The following MAP4K5 variants were observed in gnomAD, a reference collection of about 807,000 sequenced individuals.
MAP4K5 encodes MAPK/ERK kinase kinase kinase 5.
Under a neutral mutation model 135.6 loss-of-function variants are expected in MAP4K5, and 82 were observed. The observed-to-expected ratio is 0.60, with a 90% CI of 0.51 to 0.73. MAP4K5 has a LOEUF of 0.73. Ranked by LOEUF, MAP4K5 falls within the 30% of genes least tolerant of loss-of-function variation. MAP4K5 has a pLI of 0.00. For synonymous variants in MAP4K5, 347 were observed against 335.0 expected (o/e 1.04, Z -0.39); for missense variants, 907 against 1,010.9 (o/e 0.90, Z 1.39).
intron 2 of MAP4K5, among the ~76,000 whole-genome samples, chr14:50,516,110 A>C (rs2038028674): frequency 6.6e-6 from 1 of 152,248 alleles, no homozygotes; most frequent in South Asian, 2.1e-4. Flanking sequence ...GCTTAAACTT[A>C]TAAGCCAAAT....
At chr14:50,480,235 T>A (rs968647241) in intron 6 of MAP4K5, among the ~76,000 whole-genome samples, 3 of 152,040 alleles carry the variant, frequency 2.0e-5, no homozygotes, top group African/African-American at 7.2e-5. Flanking sequence ...CAGGCGGCAA[T>A]GTGAAATAAA....
chr14:50,429,411 C>T (rs553110891), intron 28 of MAP4K5, among the ~76,000 whole-genome samples, 151 bp from the exon 29 acceptor site: 2 of 152,094 alleles, frequency 1.3e-5, no homozygotes, highest in South Asian at 4.1e-4. Flanking sequence ...TCAAAAAATG[C>T]ATGTAAATCA....
intron 9 of MAP4K5, among the ~76,000 whole-genome samples, chr14:50,473,050 G>A (rs1200796632): frequency 6.6e-6 from 1 of 152,140 alleles, no homozygotes; most frequent in Non-Finnish European, 1.5e-5. Flanking sequence ...TTAAGTGATA[G>A]TAAATGAATT....
chr14:50,528,675 C>T lies in MAP4K5; in HGVS notation c.108+3267G>A, dbSNP rs557343085. Reference sequence around the variant, plus strand: ...GAGTTCAAGGCTGCAGTGAGCTGATCGTGCCACTGGACTCCAGCCTAAAGC... The same window carrying T: ...GAGTTCAAGGCTGCAGTGAGCTGATTGTGCCACTGGACTCCAGCCTAAAGC... On this transcript the variant is annotated intron_variant, in intron 2 of 32. Coordinates refer to ENST00000682126, the MANE Select transcript of MAP4K5 (RefSeq NM_006575.6). Among the ~76,000 whole-genome samples, 26 of 152,174 alleles carry T rather than the reference C, an allele frequency of 1.7e-4. No homozygotes were observed. The South Asian group carries it at 1.9e-3, about 11-fold the overall frequency.
chr14:50,452,770 G>A (rs1222882958), intron 14 of MAP4K5, among the ~76,000 whole-genome samples: 1 of 152,154 alleles, frequency 6.6e-6, no homozygotes, highest in Non-Finnish European at 1.5e-5. Flanking sequence ...GACTGTCCCA[G>A]CAGGACACCT....
Position 50,464,145 on chromosome 14 carries a change from A to G in MAP4K5, c.738-12T>C, listed in dbSNP as rs1415454990. 5.3e-6 allele frequency: 7 copies of G among 1,321,174 alleles called. No individual in the cohort carries two copies. The highest frequency in any genetic ancestry group is 7.4e-6 in the Non-Finnish European group (7 of 942,408). 81.8% of individuals were successfully genotyped at this position (1,321,174 alleles called of 1,614,324 possible). On this transcript the variant is annotated splice_polypyrimidine_tract_variant and intron_variant, in intron 11 of 32. Coordinates refer to ENST00000682126, the MANE Select transcript of MAP4K5 (RefSeq NM_006575.6). ...GGAATGTTGATGACCTTAAAATAAA[A>G]AGAGACGTACAAAAATATTTCACTA... is the stretch of plus-strand genomic sequence containing the variant.
chr14:50,477,143 G>T (rs995458226), intron 6 of MAP4K5, among the ~76,000 whole-genome samples: 3 of 152,082 alleles, frequency 2.0e-5, no homozygotes, highest in Non-Finnish European at 4.4e-5. Flanking sequence ...ATTTATTTGG[G>T]TTTTTAATTT....
At chr14:50,481,047 T>G (rs1243695138) in intron 6 of MAP4K5, among the ~76,000 whole-genome samples, 6 of 151,758 alleles carry the variant, frequency 4.0e-5, no homozygotes, top group Admixed American at 1.3e-4. Flanking sequence ...AGCGCCAGAG[T>G]GCAAATTCGA....
chr14:50,560,469 C>A (rs1436949976), intron 1 of MAP4K5: 3 of 866,060 alleles, frequency 3.5e-6, no homozygotes, highest in African/African-American at 3.4e-5. Context: ...CATGGCCGAG[C>A]GGTACCCGCG....
intron 25 of MAP4K5, 33 bp downstream of exon 25, chr14:50,437,861 C>T (rs1409137053): frequency 8.0e-7 from 1 of 1,252,498 alleles, no homozygotes; most frequent in Non-Finnish European, 1.2e-6. Context: ...ACTAATTCCC[C>T]TCATTCAGTA....
chr14:50,426,230 A>G (rs2035843171), intron 30 of MAP4K5, among the ~76,000 whole-genome samples: 2 of 152,158 alleles, frequency 1.3e-5, no homozygotes, highest in Admixed American at 1.3e-4. Flanking sequence ...AACTTCTGAT[A>G]AGGTGGATGT....
chr14:50,464,208 G>A, intron 11 of MAP4K5, 75 bp from the exon 12 acceptor site: 2 of 726,026 alleles, frequency 2.8e-6, no homozygotes, highest in Non-Finnish European at 2.4e-6. Context: ...CATTAACTTA[G>A]GAACAGTTAG....
intron 8 of MAP4K5, 120 bp downstream of exon 8, chr14:50,476,008 C>A: frequency 9.5e-6 from 5 of 523,856 alleles, no homozygotes; most frequent in South Asian, 3.4e-5. Context: ...AACATTACTG[C>A]GACTCTTGAT....
At chr14:50,490,641 A>G (rs186296495) in intron 3 of MAP4K5, among the ~76,000 whole-genome samples, 105 of 152,254 alleles carry the variant, frequency 6.9e-4, no homozygotes, top group African/African-American at 2.0e-3. Context: ...GCAACTCTAA[A>G]CTACAATTTT....
At chr14:50,446,266 G>C (rs1485881831) in intron 16 of MAP4K5, 145 bp from the exon 17 acceptor site, 1 of 494,346 alleles carries the variant, frequency 2.0e-6, no homozygotes, top group Non-Finnish European at 3.6e-6. Context: ...TCTTTAGGAA[G>C]ACCTAAGACC....
chr14:50,455,013 T>C (rs187542940), intron 14 of MAP4K5, among the ~76,000 whole-genome samples: 79 of 151,876 alleles, frequency 5.2e-4, no homozygotes, highest in African/African-American at 1.6e-3. Context: ...TGCAACAGAA[T>C]AGAATTTCCA....
At chr14:50,467,826 A>T (rs549136618) in intron 10 of MAP4K5, among the ~76,000 whole-genome samples, 1 of 152,222 alleles carries the variant, frequency 6.6e-6, no homozygotes, top group African/African-American at 2.4e-5. Context: ...GCTCAAATAG[A>T]TTCCCGTATC....
At chr14:50,504,732 G>T in intron 3 of MAP4K5, 68 bp downstream of exon 3, 2 of 1,131,318 alleles carry the variant, frequency 1.8e-6, no homozygotes, top group South Asian at 1.4e-5. Context: ...CTTCTTCTGG[G>T]AAGAAGGGAA....
At chr14:50,465,389 A>G (rs1004101366) in intron 11 of MAP4K5, among the ~76,000 whole-genome samples, 1 of 152,244 alleles carries the variant, frequency 6.6e-6, no homozygotes, top group Non-Finnish European at 1.5e-5. Context: ...TATTAAATGT[A>G]TGGGGAAGAC....
Sources: gnomAD v4.1 joint callset for allele counts (sites outside exome capture counted in the v4.1 genomes callset) on GRCh38, gnomAD v4.1.1 for gene constraint, MANE v1.5 for transcripts, NCBI Gene and HGNC (gene_info 2026-07-23, HGNC 2026-07-21) for gene names.